Variants in DDX31 observed in about 807,000 individuals in gnomAD.
The protein encoded by DDX31 is DEAD-box helicase 31, also known as ATP-dependent DNA helicase DDX31.
In DDX31, 70 loss-of-function variants were observed where a neutral mutation model predicts 91.3. The ratio of observed to expected loss-of-function variants is 0.77; its 90% CI spans 0.63 to 0.94. The LOEUF is 0.94. Ranked by LOEUF, DDX31 falls within the 40% of genes least tolerant of loss-of-function variation. The pLI, the probability that DDX31 is intolerant of heterozygous loss-of-function variation, is 0.00. For synonymous variants in DDX31, 362 were observed against 350.6 expected (o/e 1.03, Z -0.36); for missense variants, 902 against 925.0 (o/e 0.98, Z 0.32).
intron 19 of DDX31, among the ~76,000 whole-genome samples, chr9:132,611,039 G>A (rs1165146518): frequency 3.9e-5 from 6 of 152,184 alleles, no homozygotes; most frequent in East Asian, 1.9e-4. Flanking sequence ...GCCAGACATC[G>A]TGTGGGAACA....
At chr9:132,619,880 G>GT (rs11452408) in intron 17 of DDX31, among the ~76,000 whole-genome samples, 10,354 of 140,006 alleles carry the variant, frequency 0.074, 428 homozygotes, top group East Asian at 0.13. Flanking sequence ...CCTTCCCTGT[G>GT]TTTTTTTTTT....
intron 17 of DDX31, 37 bp downstream of exon 17, chr9:132,625,627 T>C: frequency 6.5e-7 from 1 of 1,534,094 alleles, no homozygotes; most frequent in South Asian, 1.1e-5. Flanking sequence ...GTGAGTCACA[T>C]CTGTTGGCAG....
chr9:132,604,987 TG>T (rs1314597651), intron 19 of DDX31, among the ~76,000 whole-genome samples: 1 of 152,216 alleles, frequency 6.6e-6, no homozygotes, highest in African/African-American at 2.4e-5. Context: ...TTCCTGAGGA[TG>T]CCTTTATGTG....
In DDX31 at chr9:132,612,119, C is replaced by G. The variant is rs1465358642; in HGVS notation, c.1962G>C (p.Leu654Phe). The G allele has an allele frequency of 6.2e-7, 1 of 1,614,180 alleles. No individual in the cohort carries two copies. The change falls in exon 19 of 20, where the codon TTG (leucine) becomes TTC (phenylalanine). Residue 654 changes from leucine (L) to phenylalanine (F), a missense_variant. Coordinates refer to ENST00000372159, the MANE Select transcript of DDX31 (RefSeq NM_022779.9). ...LRDAPRNLSALTRKKRKAHVK... is the reference protein window; with the variant it reads ...LRDAPRNLSAFTRKKRKAHVK... ...CGTGTGCTTTCCTCTTCTTTCTAGT[C>G]AAGGCACTAAGATTCCTGGGGGCAT...
intron 6 of DDX31, among the ~76,000 whole-genome samples, chr9:132,656,129 A>C (rs544422054): frequency 1.3e-5 from 2 of 152,332 alleles, no homozygotes; most frequent in South Asian, 2.1e-4. Context: ...AAAATAACTG[A>C]AGAGTGTGAA....
At chr9:132,612,646 A>G (rs922984146) in intron 18 of DDX31, among the ~76,000 whole-genome samples, 4 of 152,210 alleles carry the variant, frequency 2.6e-5, no homozygotes, top group African/African-American at 9.7e-5. Context: ...AACACAGGAC[A>G]TCGTTTTCTT....
At chr9:132,602,432 T>G (rs1830768755) in intron 19 of DDX31, among the ~76,000 whole-genome samples, 2 of 152,168 alleles carry the variant, frequency 1.3e-5, no homozygotes, top group Non-Finnish European at 2.9e-5. Context: ...AGCACTGAGC[T>G]AAGGCTGCAC....
intron 17 of DDX31, among the ~76,000 whole-genome samples, chr9:132,620,970 T>C (rs1056274076): frequency 6.6e-6 from 1 of 152,196 alleles, no homozygotes; most frequent in Admixed American, 6.5e-5. Context: ...ATCCTACTGA[T>C]CTTGGAAAAC....
At chr9:132,669,165 C>T (rs1835529216) in intron 1 of DDX31, among the ~76,000 whole-genome samples, 1 of 152,008 alleles carries the variant, frequency 6.6e-6, no homozygotes, top group Non-Finnish European at 1.5e-5. Flanking sequence ...GTGGTAGACT[C>T]TTAATCTCTT....
chr9:132,650,143 C>A, intron 9 of DDX31, 91 bp downstream of exon 9: 1 of 1,254,312 alleles, frequency 8.0e-7, no homozygotes, highest in Non-Finnish European at 1.2e-6. Flanking sequence ...TGAGACAAAG[C>A]TCTCAGCAGG....
intron 6 of DDX31, among the ~76,000 whole-genome samples, chr9:132,654,945 CAAAAAA>C (rs140953433): frequency 7.8e-5 from 7 of 90,226 alleles, no homozygotes; most frequent in Admixed American, 1.2e-4. Context: ...GACTCTGTCT[CAAAAAA>C]AAAAAAAAAA....
At chr9:132,611,784 G>A (rs1336007671) in intron 19 of DDX31, among the ~76,000 whole-genome samples, 1 of 151,846 alleles carries the variant, frequency 6.6e-6, no homozygotes, top group Non-Finnish European at 1.5e-5. Context: ...CCCAGGCCTC[G>A]TCACACAGAA....
intron 18 of DDX31, among the ~76,000 whole-genome samples, chr9:132,614,432 C>T (rs774261842): frequency 4.6e-5 from 7 of 151,980 alleles, no homozygotes; most frequent in Non-Finnish European, 7.4e-5. Context: ...TCTACTGCTA[C>T]GCGACCCAGG....
chr9:132,610,534 G>A (rs1831264428), intron 19 of DDX31, among the ~76,000 whole-genome samples: 1 of 152,176 alleles, frequency 6.6e-6, no homozygotes, highest in South Asian at 2.1e-4. Context: ...GTCCCCCAGA[G>A]AGGTCAAGTT....
In DDX31 at chr9:132,646,968, T is replaced by C; in HGVS notation, c.1058A>G (p.Lys353Arg). The C allele has an allele frequency of 6.2e-7, 1 of 1,614,218 alleles. No homozygotes were observed. The highest frequency in any genetic ancestry group is 8.5e-7 in the Non-Finnish European group (1 of 1,180,040). ...TGGAGGACAGACCTCCTGGACCGCT[T>C]TGTCCTTTGGGTTCAACTGGTCATG... ...KSHDQLNPKD[K>R]AVQEVCPPPA... The change falls in exon 12 of 20, where the codon AAA (lysine) becomes AGA (arginine). Residue 353 changes from lysine (K) to arginine (R), a missense_variant. Coordinates refer to ENST00000372159, the MANE Select transcript of DDX31 (RefSeq NM_022779.9).
At chr9:132,604,045 C>A (rs1830868786) in intron 19 of DDX31, among the ~76,000 whole-genome samples, 1 of 152,156 alleles carries the variant, frequency 6.6e-6, no homozygotes, top group Non-Finnish European at 1.5e-5. Flanking sequence ...GCCCGAAAAG[C>A]AAGGCCCACA....
intron 17 of DDX31, among the ~76,000 whole-genome samples, chr9:132,623,469 C>T (rs113586337): frequency 1.3e-4 from 18 of 139,528 alleles, no homozygotes; most frequent in African/African-American, 4.1e-4. Flanking sequence ...GGCAGAACTG[C>T]TTGAACCTGG....
In DDX31 at chr9:132,593,895, G is replaced by A. The variant is rs576679849; in HGVS notation, c.*971C>T. On this transcript the variant is annotated 3_prime_UTR_variant, in exon 20 of 20. Transcript: ENST00000372159. ...GAGGACAGGAGCGGTGCCCACAGGT[G>A]TGGAGGCCTCCAACCCTTTCTCTTC... is the stretch of plus-strand genomic sequence containing the variant. 2.0e-5 allele frequency: 3 copies of A among 152,314 alleles called. No individual in the cohort carries two copies. Among genetic ancestry groups the A allele is most frequent in the Admixed American group, 6.5e-5 (1 of 15,296 alleles). The allele number at this position is 152,314 out of a possible 1,614,324, so 9.4% of individuals were successfully genotyped here. A position where few individuals can be genotyped will look rare whatever the true frequency, so the allele number is the denominator to read the frequency against.
At chr9:132,616,449 G>A (rs1015245133) in intron 18 of DDX31, among the ~76,000 whole-genome samples, 3 of 152,266 alleles carry the variant, frequency 2.0e-5, no homozygotes, top group Non-Finnish European at 2.9e-5. Context: ...TCAGATGACC[G>A]AGACACCTTG....
Sources: allele counts gnomAD v4.1 joint callset (sites outside exome capture counted in the v4.1 genomes callset), GRCh38; gene constraint gnomAD v4.1.1; transcripts MANE v1.5; gene names NCBI Gene and HGNC (gene_info 2026-07-23, HGNC 2026-07-21).